The following PPP2R1B variants were observed in gnomAD, a reference collection of about 807,000 sequenced individuals.
PPP2R1B encodes serine/threonine-protein phosphatase 2A 65 kDa regulatory subunit A beta isoform.
In PPP2R1B, 58 loss-of-function variants were observed where a neutral mutation model predicts 72.7. The ratio of observed to expected loss-of-function variants is 0.80; its 90% CI spans 0.65 to 0.99. The LOEUF is 0.99. PPP2R1B is among the 50% of genes least tolerant of loss of function. PPP2R1B has a pLI of 0.00. For synonymous variants in PPP2R1B, 256 were observed against 264.6 expected (o/e 0.97, Z 0.32); for missense variants, 695 against 733.6 (o/e 0.95, Z 0.61).
Position 111,740,613 on chromosome 11 carries a change from A to G in PPP2R1B, c.*983T>C. On this transcript the variant is annotated 3_prime_UTR_variant, in exon 15 of 15. Coordinates refer to ENST00000527614, the MANE Select transcript of PPP2R1B (RefSeq NM_002716.5). Reference sequence around the variant, plus strand: ...GGTTTTACTGTAAAAGTAGAAAAGCAAACACTTCAAATGATAAGACTCCAG... The same window carrying G: ...GGTTTTACTGTAAAAGTAGAAAAGCGAACACTTCAAATGATAAGACTCCAG... The G allele has an allele frequency of 1.0e-6, 1 of 985,384 alleles. No homozygotes were observed. The highest frequency in any genetic ancestry group is 1.2e-6 in the Non-Finnish European group (1 of 829,858). 61.0% of individuals were successfully genotyped at this position (985,384 alleles called of 1,614,324 possible).
At chr11:111,700,955 C>T in the PPP2R1B span, 1 of 1,614,070 alleles carries the variant, frequency 6.2e-7, no homozygotes, top group Non-Finnish European at 8.5e-7. Context: ...CCCCCTTATG[C>T]AGCCCCAGAA....
chr11:111,698,096 G>A, the PPP2R1B span, among the ~76,000 whole-genome samples: 1 of 152,176 alleles, frequency 6.6e-6, no homozygotes, highest in Admixed American at 6.5e-5. Flanking sequence ...AGCTTAGTGA[G>A]CCTGTCTTTC....
the PPP2R1B span, chr11:111,721,894 C>T: frequency 3.7e-6 from 6 of 1,612,098 alleles, no homozygotes; most frequent in Non-Finnish European, 5.1e-6. Context: ...CCCCAGCTGT[C>T]CCCACGGCAG....
downstream of PPP2R1B, chr11:111,737,387 G>A: frequency 1.2e-6 from 2 of 1,612,202 alleles, no homozygotes; most frequent in Non-Finnish European, 1.7e-6. Context: ...TGCACACCAT[G>A]CCACCCTGGC....
Position 111,752,255 on chromosome 11 carries a change from C to T in PPP2R1B, c.1242G>A (p.Gln414=). The T allele has an allele frequency of 1.9e-6, 3 of 1,614,106 alleles. No homozygotes were observed. The highest frequency in any genetic ancestry group is 1.6e-4 in the Middle Eastern group (1 of 6,062). The stretch of plus-strand genomic sequence containing the variant: ...GCTCCACTATGGCAGGAAGGAGAGA[C>T]TGAGAGAGCTGACGGATTCCAATCA... The part of the protein sequence containing the change: ...NEVIGIRQLS[Q]SLLPAIVELA... Residue 414 remains glutamine (Q), a synonymous_variant, in exon 10 of 15, where the codon CAG becomes CAA. Coordinates refer to ENST00000527614, the MANE Select transcript of PPP2R1B (RefSeq NM_002716.5).
At chr11:111,765,954 G>A in intron 1 of PPP2R1B, 1 of 550,126 alleles carries the variant, frequency 1.8e-6, no homozygotes, top group Non-Finnish European at 3.5e-6. Flanking sequence ...CCACCTCACG[G>A]CCCGGATGGG....
intron 5 of PPP2R1B, 100 bp from the exon 6 acceptor site, chr11:111,755,550 C>G: frequency 9.2e-7 from 1 of 1,085,750 alleles, no homozygotes; most frequent in Non-Finnish European, 1.3e-6. Context: ...ACCACCAAGA[C>G]TGCCACACCT....
the PPP2R1B span, chr11:111,712,122 C>G: frequency 7.7e-7 from 1 of 1,299,740 alleles, no homozygotes; most frequent in Non-Finnish European, 1.1e-6. Flanking sequence ...TTAATTGCCA[C>G]AGGAAGAATT....
At chr11:111,723,686 C>A (rs1943872668), downstream of PPP2R1B, 1 of 1,614,050 alleles carries the variant, frequency 6.2e-7, no homozygotes, top group Non-Finnish European at 8.5e-7. Context: ...CGTCCTGGAG[C>A]CTTCCTCCGA....
chr11:111,743,585 A>G (rs1944601679), intron 11 of PPP2R1B, 55 bp from the exon 12 acceptor site: 1 of 1,554,954 alleles, frequency 6.4e-7, no homozygotes. Flanking sequence ...TTTAAGCATA[A>G]CCTAGTTTAC....
Position 111,738,541 on chromosome 11 carries a change from G to A in PPP2R1B, c.*3055C>T, listed in dbSNP as rs1944410045. On this transcript the variant is annotated 3_prime_UTR_variant, in exon 15 of 15. Coordinates refer to ENST00000527614, the MANE Select transcript of PPP2R1B (RefSeq NM_002716.5). Reference sequence around the variant, plus strand: ...GCAAGCAACCTGAATGCCTGGACAAGCCAGCTCAAAGGTCAGGCTGCCGTC... The same window carrying A: ...GCAAGCAACCTGAATGCCTGGACAAACCAGCTCAAAGGTCAGGCTGCCGTC... 1.0e-6 allele frequency: 1 copy of A among 985,484 alleles called. No homozygotes were observed. Among genetic ancestry groups the A allele is most frequent in the Non-Finnish European group, 1.2e-6 (1 of 829,960 alleles). 61.0% of individuals were successfully genotyped at this position (985,484 alleles called of 1,614,324 possible). A position where few individuals can be genotyped will look rare whatever the true frequency, so the allele number is the denominator to read the frequency against.
downstream of PPP2R1B, chr11:111,724,281 G>T: frequency 2.6e-6 from 3 of 1,142,240 alleles, no homozygotes; most frequent in Non-Finnish European, 3.6e-6. Flanking sequence ...TCTGGCTGGG[G>T]TGGATGTTGC....
the PPP2R1B span, among the ~76,000 whole-genome samples, chr11:111,716,213 G>C: frequency 2.0e-5 from 3 of 152,326 alleles, no homozygotes; most frequent in South Asian, 4.1e-4. Flanking sequence ...TGCAGACACA[G>C]TGGAGGTGTT....
the PPP2R1B span, chr11:111,712,285 G>A: frequency 6.2e-7 from 1 of 1,614,178 alleles, no homozygotes; most frequent in Admixed American, 1.7e-5. Context: ...TCCTCCCCCA[G>A]GCATCCAACG....
rs1347768195 is a variant in PPP2R1B at position 111,738,557 on chromosome 11, G to C, written c.*3039C>G. The C allele has an allele frequency of 9.1e-6, 9 of 985,528 alleles. No individual in the cohort carries two copies. The highest frequency in any genetic ancestry group is 1.1e-5 in the Non-Finnish European group (9 of 829,970). 61.0% of individuals were successfully genotyped at this position (985,528 alleles called of 1,614,324 possible). ...CCTGGACAAGCCAGCTCAAAGGTCA[G>C]GCTGCCGTCTCTGTTGAGTCAGGAC... is the stretch of plus-strand genomic sequence containing the variant. On this transcript the variant is annotated 3_prime_UTR_variant, in exon 15 of 15. Coordinates refer to ENST00000527614, the MANE Select transcript of PPP2R1B (RefSeq NM_002716.5).
chr11:111,734,115 C>G (rs985371803), downstream of PPP2R1B, among the ~76,000 whole-genome samples: 1 of 152,218 alleles, frequency 6.6e-6, no homozygotes, highest in African/African-American at 2.4e-5. Context: ...GCAAATGCAG[C>G]CTGGCCTGGC....
rs1240435448 is a variant in PPP2R1B, at chr11:111,727,285, C to G, written c.1912-228G>C. 1.4e-5 allele frequency: 8 copies of G among 575,280 alleles called. No individual in the cohort carries two copies. In the Admixed American group the frequency reaches 1.5e-4, roughly 11 times the overall value. 35.6% of individuals were successfully genotyped at this position (575,280 alleles called of 1,614,324 possible). On this transcript the variant is annotated intron_variant, in intron 15 of 15. Coordinates refer to the PPP2R1B transcript ENST00000311129. ...GTGGGGATGGGGCTCAGGGGCTGTT[C>G]ATGCCCATCTGAGCAAACCCCTTCT...
At chr11:111,756,471 G>GTTAT (rs1555049759) in intron 5 of PPP2R1B, among the ~76,000 whole-genome samples, 1 of 152,038 alleles carries the variant, frequency 6.6e-6, no homozygotes, top group African/African-American at 2.4e-5. Context: ...ATTTGTACAA[G>GTTAT]TTATTTATAA....
rs369086086 is a variant in PPP2R1B, at chr11:111,743,423, T to C, written c.1507A>G (p.Asn503Asp). 8.1e-6 allele frequency: 13 copies of C among 1,613,132 alleles called. No individual in the cohort carries two copies. The Admixed American group carries it at 8.3e-5, about 10-fold the overall frequency. ...TIVPKVLVMA[N>D]DPNYLHRMTT... The stretch of plus-strand genomic sequence containing the variant: ...ATTCTATGCAAGTAATTAGGATCAT[T>C]TGCCATTACTAACACTTTGGGAACA... Residue 503 changes from asparagine (N) to aspartate (D), a missense_variant, in exon 12 of 15, where the codon AAT becomes GAT. Asn to Asp is a conservative substitution (Grantham distance 23). Coordinates refer to ENST00000527614, the MANE Select transcript of PPP2R1B (RefSeq NM_002716.5).
Sources: gnomAD v4.1 joint callset for allele counts (sites outside exome capture counted in the v4.1 genomes callset) on GRCh38, gnomAD v4.1.1 for gene constraint, MANE v1.5 for transcripts, NCBI Gene and HGNC (gene_info 2026-07-23, HGNC 2026-07-21) for gene names.